The following RAB11FIP5 variants were observed in gnomAD, a reference collection of about 807,000 sequenced individuals.
The protein encoded by RAB11FIP5 is rab11 family-interacting protein 5.
In RAB11FIP5, 48 loss-of-function variants were observed where a neutral mutation model predicts 85.1. That is an observed-to-expected ratio of 0.56 (90% CI 0.45 to 0.72). RAB11FIP5 has a LOEUF of 0.72. Ranked by LOEUF, RAB11FIP5 falls within the 30% of genes least tolerant of loss-of-function variation. RAB11FIP5 has a pLI of 0.00. For synonymous variants in RAB11FIP5, 729 were observed against 727.3 expected (o/e 1.00, Z -0.04); for missense variants, 1,491 against 1,687.0 (o/e 0.88, Z 2.04).
At position 73,074,802 on chromosome 2, in the gene RAB11FIP5, C is replaced by T; in HGVS notation, c.*719G>A. 5.0e-6 allele frequency: 1 copy of T among 201,836 alleles called. No homozygotes were observed. 12.5% of individuals were successfully genotyped at this position (201,836 alleles called of 1,614,324 possible). ...AAAGCAAAAAGGTGCTCTCTCCGCA[C>T]CCGCCCCTGCGCCCCACACATTCCC... is the stretch of plus-strand genomic sequence containing the variant. On this transcript the variant is annotated 3_prime_UTR_variant, in exon 6 of 6. Coordinates refer to ENST00000486777, the MANE Select transcript of RAB11FIP5 (RefSeq NM_001371272.1).
chr2:73,077,642 GAAC>G (rs1683888414), intron 4 of RAB11FIP5, among the ~76,000 whole-genome samples: 1 of 152,140 alleles, frequency 6.6e-6, no homozygotes, highest in Non-Finnish European at 1.5e-5. Context: ...CTTCTGTCTG[GAAC>G]AACATTGCCC....
chr2:73,077,937 C>T (rs1362771321), intron 4 of RAB11FIP5, among the ~76,000 whole-genome samples: 1 of 152,236 alleles, frequency 6.6e-6, no homozygotes, highest in African/African-American at 2.4e-5. Flanking sequence ...CTGAACTCCA[C>T]TGAAGGAAGG....
chr2:73,110,322 C>A (rs1477856859), intron 1 of RAB11FIP5, among the ~76,000 whole-genome samples: 2 of 152,344 alleles, frequency 1.3e-5, no homozygotes, highest in East Asian at 3.9e-4. Flanking sequence ...GAAATACCAC[C>A]AGGAATGACC....
Position 73,089,509 on chromosome 2 carries a change from C to A in RAB11FIP5, c.432-194G>T. 1.5e-6 allele frequency: 1 copy of A among 688,874 alleles called. No individual in the cohort carries two copies. Among genetic ancestry groups the A allele is most frequent in the Admixed American group, 2.3e-5 (1 of 43,968 alleles). 42.7% of individuals were successfully genotyped at this position (688,874 alleles called of 1,614,324 possible). Reference sequence around the variant, plus strand: ...AGCTGAGAAACTATCCAAAACATTTCCATGATGGAGAAAACCACATCCTGA... The same window carrying A: ...AGCTGAGAAACTATCCAAAACATTTACATGATGGAGAAAACCACATCCTGA... On this transcript the variant is annotated intron_variant, in intron 1 of 5. Coordinates refer to ENST00000486777, the MANE Select transcript of RAB11FIP5 (RefSeq NM_001371272.1). The surrounding 1 kb of genome is among the most constrained non-coding windows in gnomAD (Gnocchi z 4.6).
intron 4 of RAB11FIP5, 60 bp from the exon 5 acceptor site, chr2:73,076,242 G>A: frequency 1.4e-6 from 2 of 1,454,062 alleles, no homozygotes; most frequent in Non-Finnish European, 1.9e-6. Flanking sequence ...GTCAAAGGTG[G>A]GGCTGCCTTC....
Position 73,112,813 on chromosome 2 carries a change from G to C in RAB11FIP5, c.-36C>G. Reference sequence around the variant, plus strand: ...CGGGGGGCGAGGTCTGGCCGAGCCGGTGCAGACCCCAGGACCTGGTGACAA... The same window carrying C: ...CGGGGGGCGAGGTCTGGCCGAGCCGCTGCAGACCCCAGGACCTGGTGACAA... On this transcript the variant is annotated 5_prime_UTR_variant, in exon 1 of 6. Coordinates refer to ENST00000486777, the MANE Select transcript of RAB11FIP5 (RefSeq NM_001371272.1). 7.2e-7 allele frequency: 1 copy of C among 1,398,124 alleles called. No individual in the cohort carries two copies. Among genetic ancestry groups the C allele is most frequent in the Non-Finnish European group, 9.2e-7 (1 of 1,086,206 alleles). The allele number at this position is 1,398,124 out of a possible 1,614,324, so 86.6% of individuals were successfully genotyped here.
chr2:73,107,724 C>T (rs1305711429), intron 1 of RAB11FIP5, among the ~76,000 whole-genome samples: 1 of 152,216 alleles, frequency 6.6e-6, no homozygotes, highest in Non-Finnish European at 1.5e-5. Flanking sequence ...CTCGGCATAC[C>T]AACGACTGGC....
chr2:73,086,198 G>A lies in RAB11FIP5; in HGVS notation c.1568+1852C>T, dbSNP rs1352891200. On this transcript the variant is annotated intron_variant, in intron 3 of 5. Coordinates refer to ENST00000486777, the MANE Select transcript of RAB11FIP5 (RefSeq NM_001371272.1). This position sits in a 1 kb window ranked among gnomAD's most constrained non-coding sequence, Gnocchi z 4.4. ...CCCTCCCACCCCATCTGCATGCACG[G>A]CCACAGAGCCTGGCCCTGCAGCCGC... is the stretch of plus-strand genomic sequence containing the variant. 7.9e-5 allele frequency among the ~76,000 whole-genome samples: 12 copies of A among 152,278 alleles called. No homozygotes were observed. In the South Asian group the frequency reaches 2.3e-3, roughly 29 times the overall value.
chr2:73,075,490 G>A lies in RAB11FIP5; in HGVS notation c.*31C>T, dbSNP rs1683835502. The A allele has an allele frequency of 3.1e-6, 5 of 1,603,148 alleles. No homozygotes were observed. The East Asian group carries it at 1.1e-4, about 36-fold the overall frequency. On this transcript the variant is annotated 3_prime_UTR_variant, in exon 6 of 6. Transcript: ENST00000486777. The surrounding 1 kb of genome is among the most constrained non-coding windows in gnomAD (Gnocchi z 4.6). The stretch of plus-strand genomic sequence containing the variant: ...AGAGGGCAGGCAGCAATAGGTCCAT[G>A]CCAACCCTCCTGGGGGTAGGGTGAG...
chr2:73,106,837 G>A (rs539873456), intron 1 of RAB11FIP5, among the ~76,000 whole-genome samples: 1 of 152,246 alleles, frequency 6.6e-6, no homozygotes, highest in South Asian at 2.1e-4. Context: ...AGTCCCATGA[G>A]TAAGGGCTGT....
intron 1 of RAB11FIP5, among the ~76,000 whole-genome samples, chr2:73,109,672 A>G (rs1684602744): frequency 1.3e-5 from 2 of 152,216 alleles, no homozygotes; most frequent in African/African-American, 4.8e-5. Flanking sequence ...TCTCAAGCCC[A>G]GCCCTATTTC....
In RAB11FIP5 at chr2:73,080,489, C is replaced by T. The variant is rs1683953713; in HGVS notation, c.2743G>A (p.Glu915Lys). 8.1e-7 allele frequency: 1 copy of T among 1,233,440 alleles called. No homozygotes were observed. 76.4% of individuals were successfully genotyped at this position (1,233,440 alleles called of 1,614,324 possible). A position where few individuals can be genotyped will look rare whatever the true frequency, so the allele number is the denominator to read the frequency against. The part of the protein sequence containing the change: ...PRLFTPSRSQ[E>K]EEEEKAAVGL... Reference sequence around the variant, plus strand: ...ACTGCGGCCTTCTCCTCCTCCTCCTCCTGGGATCTTGAGGGTGTGAAGAGG... The same window carrying T: ...ACTGCGGCCTTCTCCTCCTCCTCCTTCTGGGATCTTGAGGGTGTGAAGAGG... Residue 915 changes from glutamate (E) to lysine (K), a missense_variant, in exon 4 of 6, where the codon GAG becomes AAG. By Grantham distance (56) the Glu-to-Lys change is moderately conservative (BLOSUM62 1). Transcript: ENST00000486777.
At chr2:73,110,261 A>G (rs760536960) in intron 1 of RAB11FIP5, among the ~76,000 whole-genome samples, 1 of 152,112 alleles carries the variant, frequency 6.6e-6, no homozygotes, top group Non-Finnish European at 1.5e-5. Flanking sequence ...CCCTCTCCCT[A>G]CCAGGCAGCG....
At chr2:73,076,476 G>A (rs577111639) in intron 4 of RAB11FIP5, among the ~76,000 whole-genome samples, 1 of 152,186 alleles carries the variant, frequency 6.6e-6, no homozygotes, top group South Asian at 2.1e-4. Flanking sequence ...ACAGACTCCT[G>A]TGCACCTGCA....
chr2:73,094,185 G>C (rs189302486), intron 1 of RAB11FIP5, among the ~76,000 whole-genome samples: 23 of 151,108 alleles, frequency 1.5e-4, no homozygotes, highest in Non-Finnish European at 4.4e-5. Flanking sequence ...GCAAGAGATA[G>C]GCCCTGGTCT....
chr2:73,111,640 C>G (rs1020470806), intron 1 of RAB11FIP5, among the ~76,000 whole-genome samples: 3 of 152,232 alleles, frequency 2.0e-5, no homozygotes, highest in Non-Finnish European at 4.4e-5. Context: ...TTAACCATGC[C>G]GCTGCCTCTA....
At chr2:73,109,895 C>G in intron 1 of RAB11FIP5, among the ~76,000 whole-genome samples, 1 of 152,236 alleles carries the variant, frequency 6.6e-6, no homozygotes, top group East Asian at 1.9e-4. Context: ...CACTGACCAC[C>G]TACCATGTAC....
In RAB11FIP5 at chr2:73,076,179, G is replaced by A; in HGVS notation, c.3585C>T (p.Pro1195=). Residue 1195 remains proline (P), a synonymous_variant, in exon 5 of 6, where the codon CCC becomes CCT. Transcript: ENST00000486777. ...CGGCACTGAGGGGCTTCACGGGGTG[G>A]GGACTGCAAAGACATACAAGAGATG... is the stretch of plus-strand genomic sequence containing the variant. The part of the protein sequence containing the change: ...PAEEPQPSAS[P]HPVKPLSAAP... 6.2e-7 allele frequency: 1 copy of A among 1,605,864 alleles called. No individual in the cohort carries two copies.
At chr2:73,100,584 C>T (rs761990422) in intron 1 of RAB11FIP5, among the ~76,000 whole-genome samples, 5 of 151,896 alleles carry the variant, frequency 3.3e-5, no homozygotes, top group African/African-American at 4.8e-5. Flanking sequence ...TGCTACCACA[C>T]CCAGCTAATT....
Sources: allele counts gnomAD v4.1 joint callset (sites outside exome capture counted in the v4.1 genomes callset), GRCh38; gene constraint gnomAD v4.1.1; non-coding constraint Gnocchi (gnomAD v3.1); transcripts MANE v1.5; gene names NCBI Gene and HGNC (gene_info 2026-07-23, HGNC 2026-07-21).